EXOC6: variants seen among roughly 807,000 people sequenced by gnomAD.
EXOC6 encodes the protein SEC15-like 1.
EXOC6 carries 60 observed loss-of-function variants against 112.5 expected under a neutral mutation model. The ratio of observed to expected loss-of-function variants is 0.53; its 90% CI spans 0.43 to 0.66. The LOEUF is 0.66. Ranked by LOEUF, EXOC6 falls within the 30% of genes least tolerant of loss-of-function variation. EXOC6 has a pLI of 0.00. For missense variants in EXOC6, 855 were observed against 957.1 expected (o/e 0.89, Z 1.41); for synonymous variants, 295 against 308.0 (o/e 0.96, Z 0.44).
chr10:92,891,621 A>G (rs1849505203), intron 1 of EXOC6, among the ~76,000 whole-genome samples: 1 of 152,100 alleles, frequency 6.6e-6, no homozygotes, highest in Non-Finnish European at 1.5e-5. Context: ...AGCTGAGATT[A>G]CAGGCACCTG....
At chr10:92,951,630 G>A (rs1344301207) in intron 14 of EXOC6, among the ~76,000 whole-genome samples, 1 of 152,100 alleles carries the variant, frequency 6.6e-6, no homozygotes, top group Non-Finnish European at 1.5e-5. Context: ...TAGAAAAGAG[G>A]GTTTTTTTAA....
At chr10:92,975,523 G>GT (rs1842509640) in intron 18 of EXOC6, among the ~76,000 whole-genome samples, 1 of 149,508 alleles carries the variant, frequency 6.7e-6, no homozygotes, top group Non-Finnish European at 1.5e-5. Context: ...CAGGAGGGAG[G>GT]TGGGGGGGTC....
intron 20 of EXOC6, among the ~76,000 whole-genome samples, chr10:93,031,255 T>TA (rs11393662): frequency 0.13 from 19,563 of 151,190 alleles, 1,411 homozygotes; most frequent in African/African-American, 0.18. Flanking sequence ...AAGAATACTT[T>TA]AAAAAAAAAG....
chr10:92,929,525 A>G (rs762056987), intron 9 of EXOC6, among the ~76,000 whole-genome samples: 2 of 152,232 alleles, frequency 1.3e-5, no homozygotes, highest in Non-Finnish European at 2.9e-5. Flanking sequence ...CAACAAAAAT[A>G]GATTCTAAAA....
chr10:92,917,471 TTAAA>T (rs1851160042), intron 7 of EXOC6, among the ~76,000 whole-genome samples: 1 of 151,748 alleles, frequency 6.6e-6, no homozygotes, highest in Admixed American at 6.6e-5. Context: ...GAAATTATCC[TTAAA>T]TATTTTCTTT....
chr10:92,888,630 G>A (rs979967745), intron 1 of EXOC6, among the ~76,000 whole-genome samples: 2 of 151,998 alleles, frequency 1.3e-5, no homozygotes, highest in Non-Finnish European at 2.9e-5. Context: ...AATTCTTTTG[G>A]TGTATTTTGT....
chr10:92,888,126 T>C (rs1849318379), intron 1 of EXOC6, among the ~76,000 whole-genome samples: 1 of 152,188 alleles, frequency 6.6e-6, no homozygotes, highest in Non-Finnish European at 1.5e-5. Flanking sequence ...ATTTCTTTCA[T>C]TGGAACTTAC....
chr10:93,007,358 C>T (rs933909296), intron 19 of EXOC6, among the ~76,000 whole-genome samples: 3 of 151,894 alleles, frequency 2.0e-5, no homozygotes, highest in African/African-American at 7.3e-5. Context: ...CTTAAAACTT[C>T]ATAGATTGCC....
chr10:93,052,967 A>G (rs1055089831), intron 20 of EXOC6, among the ~76,000 whole-genome samples: 2 of 152,182 alleles, frequency 1.3e-5, no homozygotes, highest in Non-Finnish European at 2.9e-5. Context: ...TTAATAACAA[A>G]CATATTATTT....
intron 1 of EXOC6, among the ~76,000 whole-genome samples, chr10:92,858,029 C>G (rs2422061): frequency 0.51 from 68,879 of 136,040 alleles, 23,114 homozygotes; most frequent in African/African-American, 0.65. Context: ...GGTTCCCCCC[C>G]TCCGCCGGCC....
chr10:93,040,013 T>A (rs1441802728), intron 20 of EXOC6, among the ~76,000 whole-genome samples: 1 of 152,212 alleles, frequency 6.6e-6, no homozygotes, highest in Non-Finnish European at 1.5e-5. Flanking sequence ...CCTCCACTCT[T>A]GAGTGAAAGC....
At position 92,921,523 on chromosome 10, in the gene EXOC6, C is replaced by T. The variant is rs138317154; in HGVS notation, c.888+1473C>T. ...TCGGCCTCCCAAAGTGCTGGGGTTA[C>T]AGGTGTGAGCCACCTAGCCCAGCCT... On this transcript the variant is annotated intron_variant, in intron 8 of 21. Transcript: ENST00000260762. Among the ~76,000 whole-genome samples the T allele has an allele frequency of 3.3e-3, 497 of 152,200 alleles. 3 individuals are homozygous for T. Among genetic ancestry groups the T allele is most frequent in the African/African-American group, 0.011 (473 of 41,532 alleles).
At chr10:93,000,577 G>A (rs1843713579) in intron 19 of EXOC6, among the ~76,000 whole-genome samples, 1 of 152,162 alleles carries the variant, frequency 6.6e-6, no homozygotes, top group Non-Finnish European at 1.5e-5. Context: ...TCCTGGCACT[G>A]TAGATATGAA....
At chr10:92,953,642 A>G (rs192344540) in intron 15 of EXOC6, among the ~76,000 whole-genome samples, 40 of 152,330 alleles carry the variant, frequency 2.6e-4, no homozygotes, top group Non-Finnish European at 4.4e-4. Flanking sequence ...TAAAATGTCA[A>G]TAGTGCCGAG....
chr10:92,915,956 T>C (rs911434093), intron 7 of EXOC6, 43 bp downstream of exon 7: 14 of 1,386,778 alleles, frequency 1.0e-5, no homozygotes, highest in Non-Finnish European at 1.4e-5. Context: ...AGATAATTTT[T>C]TTTCTTTTGG....
At chr10:93,028,803 CAG>C (rs1845136734) in intron 20 of EXOC6, among the ~76,000 whole-genome samples, 1 of 134,492 alleles carries the variant, frequency 7.4e-6, no homozygotes, top group Admixed American at 8.5e-5. Flanking sequence ...CATTGCACTC[CAG>C]CCTGGGCAAC....
At chr10:93,015,485 G>A (rs1036158975) in intron 20 of EXOC6, among the ~76,000 whole-genome samples, 8 of 152,214 alleles carry the variant, frequency 5.3e-5, no homozygotes, top group Non-Finnish European at 1.0e-4. Context: ...TGTTATCCCA[G>A]CACTTTGGGA....
chr10:93,007,301 T>A (rs1590026358), intron 19 of EXOC6, among the ~76,000 whole-genome samples: 1 of 145,474 alleles, frequency 6.9e-6, no homozygotes, highest in Admixed American at 7.0e-5. Flanking sequence ...TTTTTTTTTT[T>A]ATATATACAA....
At chr10:92,885,382 CT>C (rs869229626) in intron 1 of EXOC6, among the ~76,000 whole-genome samples, 339 of 142,102 alleles carry the variant, frequency 2.4e-3, no homozygotes, top group Admixed American at 2.3e-3. Flanking sequence ...AAAGTCAGCT[CT>C]TTTTTTTTTT....
Sources: allele counts gnomAD v4.1 joint callset (sites outside exome capture counted in the v4.1 genomes callset), GRCh38; gene constraint gnomAD v4.1.1; transcripts MANE v1.5; gene names NCBI Gene and HGNC (gene_info 2026-07-23, HGNC 2026-07-21).